The following ANXA10 variants were observed in gnomAD, a reference collection of about 807,000 sequenced individuals.
The protein encoded by ANXA10 is annexin 14.
Under a neutral mutation model 53.5 loss-of-function variants are expected in ANXA10, and 49 were observed. The ratio of observed to expected loss-of-function variants is 0.92; its 90% CI spans 0.73 to 1.16. ANXA10 has a LOEUF of 1.16. ANXA10 is among the 50% of genes most tolerant of loss of function. The probability of loss-of-function intolerance (pLI) is 0.00; values close to 1 mark genes in which losing one functional copy is unlikely to be tolerated. For missense variants in ANXA10, 393 were observed against 394.4 expected (o/e 1.00, Z 0.03); for synonymous variants, 131 against 128.9 (o/e 1.02, Z -0.11).
At chr4:168,157,105 A>G (rs116045177) in intron 3 of ANXA10, among the ~76,000 whole-genome samples, 1,488 of 39,968 alleles carry the variant, frequency 0.037, 19 homozygotes, top group African/African-American at 0.13. Flanking sequence ...TATAAATTTG[A>G]AAGTAGTGAA....
chr4:168,113,356 G>A (rs1730841706), intron 1 of ANXA10: 1 of 138,644 alleles, frequency 7.2e-6, no homozygotes, highest in Admixed American at 7.2e-5. Flanking sequence ...TTGGTCTGGT[G>A]AGAGCCCAGT....
chr4:168,164,364 T>A (rs1731838785), intron 5 of ANXA10, 76 bp downstream of exon 5: 1 of 1,098,430 alleles, frequency 9.1e-7, no homozygotes, highest in Non-Finnish European at 1.3e-6. Context: ...CCAGTTTATG[T>A]ATTTTGAAGA....
chr4:168,143,047 T>C (rs1258050691), intron 3 of ANXA10, among the ~76,000 whole-genome samples: 1 of 152,204 alleles, frequency 6.6e-6, no homozygotes, highest in South Asian at 2.1e-4. Flanking sequence ...TACTTTTTTT[T>C]AAAGAAAAGG....
At chr4:168,172,284 T>C (rs886155452) in intron 6 of ANXA10, among the ~76,000 whole-genome samples, 11 of 152,202 alleles carry the variant, frequency 7.2e-5, no homozygotes, top group African/African-American at 2.7e-4. Flanking sequence ...ATTAGCTGCA[T>C]AGGAAAATAA....
In ANXA10 at chr4:168,187,351, T is replaced by G. The variant is rs749906986; in HGVS notation, c.907-15T>G. On this transcript the variant is annotated splice_polypyrimidine_tract_variant and intron_variant, in intron 11 of 11. Coordinates refer to ENST00000359299, the MANE Select transcript of ANXA10 (RefSeq NM_007193.5). Reference sequence around the variant, plus strand: ...ATGATATTTTATTTCAAATATATTATATTTTTCTTTTCAGAATTTTGCTTC... The same window carrying G: ...ATGATATTTTATTTCAAATATATTAGATTTTTCTTTTCAGAATTTTGCTTC... The G allele has an allele frequency of 6.5e-7, 1 of 1,535,920 alleles. No individual in the cohort carries two copies. Among genetic ancestry groups the G allele is most frequent in the Admixed American group, 1.7e-5 (1 of 57,752 alleles).
chr4:168,109,743 T>G (rs1020661357), intron 1 of ANXA10, among the ~76,000 whole-genome samples: 1 of 152,202 alleles, frequency 6.6e-6, no homozygotes, highest in African/African-American at 2.4e-5. Context: ...ATCATCTTTT[T>G]CTTACCTATA....
At chr4:168,093,651 T>A (rs752623861) in intron 1 of ANXA10, among the ~76,000 whole-genome samples, 2 of 152,166 alleles carry the variant, frequency 1.3e-5, no homozygotes, top group African/African-American at 2.4e-5. Flanking sequence ...CACTCCAGCC[T>A]GGGCGACAGA....
intron 1 of ANXA10, among the ~76,000 whole-genome samples, chr4:168,117,931 A>C (rs1211340410): frequency 8.1e-5 from 12 of 148,830 alleles, no homozygotes; most frequent in African/African-American, 2.8e-4. Context: ...TCACTCACTC[A>C]CTCACTCCCT....
chr4:168,156,525 C>T (rs553186368), intron 3 of ANXA10, among the ~76,000 whole-genome samples: 2 of 145,880 alleles, frequency 1.4e-5, no homozygotes, highest in Non-Finnish European at 1.5e-5. Context: ...TTTTTTGAGA[C>T]GGAGTCTCCA....
At chr4:168,106,804 T>C (rs1730727101) in intron 1 of ANXA10, among the ~76,000 whole-genome samples, 1 of 152,214 alleles carries the variant, frequency 6.6e-6, no homozygotes, top group African/African-American at 2.4e-5. Context: ...AGATGTTTTC[T>C]GGTTACATGA....
At chr4:168,163,840 A>T (rs1053000537) in intron 4 of ANXA10, among the ~76,000 whole-genome samples, 6 of 152,222 alleles carry the variant, frequency 3.9e-5, no homozygotes, top group African/African-American at 1.4e-4. Flanking sequence ...AGCTTGCTAA[A>T]GAATTAATAT....
chr4:168,097,820 A>C (rs112548808), intron 1 of ANXA10, among the ~76,000 whole-genome samples: 5,929 of 152,246 alleles, frequency 0.039, 130 homozygotes, highest in Middle Eastern at 0.078. Context: ...TACACAAAGT[A>C]ATGGAATAGG....
At chr4:168,168,034 A>G (rs1411710163) in intron 6 of ANXA10, among the ~76,000 whole-genome samples, 4 of 152,132 alleles carry the variant, frequency 2.6e-5, no homozygotes, top group Non-Finnish European at 5.9e-5. Flanking sequence ...CAAGTTATTT[A>G]CTGAGCTTAT....
At chr4:168,095,227 C>T (rs530274930) in intron 1 of ANXA10, among the ~76,000 whole-genome samples, 6 of 151,930 alleles carry the variant, frequency 3.9e-5, no homozygotes, top group Non-Finnish European at 5.9e-5. Context: ...AAAAATTGTT[C>T]GCTGATTTTG....
intron 3 of ANXA10, among the ~76,000 whole-genome samples, chr4:168,140,403 T>A (rs1731306252): frequency 6.6e-6 from 1 of 152,212 alleles, no homozygotes; most frequent in Non-Finnish European, 1.5e-5. Flanking sequence ...TAGATTGAAT[T>A]AATAATCCAA....
intron 1 of ANXA10, among the ~76,000 whole-genome samples, chr4:168,097,755 G>C (rs867280228): frequency 1.3e-5 from 2 of 151,992 alleles, no homozygotes; most frequent in African/African-American, 4.8e-5. Flanking sequence ...CATAAACCCT[G>C]ACCTCTTGAA....
intron 1 of ANXA10, among the ~76,000 whole-genome samples, chr4:168,101,937 G>A (rs1360062644): frequency 6.6e-6 from 1 of 151,930 alleles, no homozygotes; most frequent in Non-Finnish European, 1.5e-5. Context: ...ACCATTATTT[G>A]TTACTTCTTT....
intron 1 of ANXA10, among the ~76,000 whole-genome samples, chr4:168,102,378 A>G (rs1730654206): frequency 6.6e-6 from 1 of 152,018 alleles, no homozygotes; most frequent in Non-Finnish European, 1.5e-5. Flanking sequence ...CAAAAATTCC[A>G]CCACACTGCC....
At chr4:168,160,862 T>G (rs985441742) in intron 3 of ANXA10, among the ~76,000 whole-genome samples, 1 of 152,196 alleles carries the variant, frequency 6.6e-6, no homozygotes, top group Non-Finnish European at 1.5e-5. Flanking sequence ...CTGTCTTCTT[T>G]TGAGAAGTGT....
Sources: gnomAD v4.1 joint callset for allele counts (sites outside exome capture counted in the v4.1 genomes callset) on GRCh38, gnomAD v4.1.1 for gene constraint, MANE v1.5 for transcripts, NCBI Gene and HGNC (gene_info 2026-07-23, HGNC 2026-07-21) for gene names.